The following ST3GAL1 variants were observed in gnomAD, a reference collection of about 807,000 sequenced individuals.
The protein encoded by ST3GAL1 is CMP-N-acetylneuraminate-beta-galactosamide-alpha-2,3-sialyltransferase 1.
A neutral mutation model predicts 34.1 loss-of-function variants in ST3GAL1; 16 were observed. The ratio of observed to expected loss-of-function variants is 0.47; its 90% CI spans 0.32 to 0.71. ST3GAL1 has a LOEUF of 0.71. ST3GAL1 is among the 30% of genes least tolerant of loss of function. ST3GAL1 has a pLI of 0.04. For synonymous variants in ST3GAL1, 191 were observed against 184.7 expected (o/e 1.03, Z -0.28); for missense variants, 353 against 447.4 (o/e 0.79, Z 1.90).
At chr8:133,501,323 C>G (rs1817146133) in intron 2 of ST3GAL1, among the ~76,000 whole-genome samples, 1 of 152,154 alleles carries the variant, frequency 6.6e-6, no homozygotes, top group Admixed American at 6.5e-5. Context: ...AGTAAGTTCT[C>G]CTATGCCCGT....
intron 2 of ST3GAL1, among the ~76,000 whole-genome samples, chr8:133,501,610 G>A (rs912457037): frequency 2.0e-5 from 3 of 152,110 alleles, no homozygotes; most frequent in Non-Finnish European, 2.9e-5. Flanking sequence ...TGAGCCAGGT[G>A]TGGTGGCAGG....
chr8:133,462,856 T>G (rs931163078), intron 8 of ST3GAL1, among the ~76,000 whole-genome samples: 8 of 152,202 alleles, frequency 5.3e-5, no homozygotes, highest in Non-Finnish European at 1.2e-4. Flanking sequence ...ATTCTAGCCT[T>G]ATCCAGAACT....
At position 133,537,636 on chromosome 8, in the gene ST3GAL1, C is replaced by T. The variant is rs148827981; in HGVS notation, c.-429+8138G>A. 7.0e-3 allele frequency among the ~76,000 whole-genome samples: 1,073 copies of T among 152,278 alleles called. 16 individuals are homozygous for T. Among genetic ancestry groups the T allele is most frequent in the African/African-American group, 0.024 (1,001 of 41,546 alleles). On this transcript the variant is annotated intron_variant, in intron 2 of 9. Transcript: ENST00000522652. ...CAGGAGGGGTGCCAGGCTTGCAGAA[C>T]GCCAGGCCCATTCTCTGGAACCCTC...
At position 133,541,492 on chromosome 8, in the gene ST3GAL1, T is replaced by A. The variant is rs556402289; in HGVS notation, c.-429+4282A>T. Reference sequence around the variant, plus strand: ...CCCCACAGAAACTCTCACTCCCACATGCAACTCATACACCACCACGTGCGT... The same window carrying A: ...CCCCACAGAAACTCTCACTCCCACAAGCAACTCATACACCACCACGTGCGT... On this transcript the variant is annotated intron_variant, in intron 2 of 9. Transcript: ENST00000522652. Among the ~76,000 whole-genome samples the A allele has an allele frequency of 4.5e-4, 69 of 152,164 alleles. 3 individuals carry two copies. In the South Asian group the frequency reaches 0.013, roughly 30 times the overall value.
At chr8:133,504,340 T>G (rs2131000159) in intron 2 of ST3GAL1, among the ~76,000 whole-genome samples, 1 of 152,352 alleles carries the variant, frequency 6.6e-6, no homozygotes, top group Non-Finnish European at 1.5e-5. Context: ...TTTTGCTGGC[T>G]TGGAAGGCAA....
At chr8:133,460,667 CACTGACTG>C (rs1815464072) in intron 9 of ST3GAL1, among the ~76,000 whole-genome samples, 1 of 152,200 alleles carries the variant, frequency 6.6e-6, no homozygotes, top group Non-Finnish European at 1.5e-5. Flanking sequence ...TTCTTGGAGT[CACTGACTG>C]AGTGGTCCTT....
intron 2 of ST3GAL1, among the ~76,000 whole-genome samples, chr8:133,501,394 G>A (rs1424010401): frequency 6.6e-6 from 1 of 152,194 alleles, no homozygotes. Context: ...AGCAGTAGCT[G>A]TGGGAGAGGG....
At chr8:133,488,057 T>A (rs1029614097) in intron 3 of ST3GAL1, 1 of 151,922 alleles carries the variant, frequency 6.6e-6, no homozygotes, top group Non-Finnish European at 1.5e-5. Context: ...CTGAGATTAT[T>A]AAGGAATCAC....
intron 2 of ST3GAL1, among the ~76,000 whole-genome samples, chr8:133,513,578 A>G (rs999078650): frequency 3.3e-5 from 5 of 152,160 alleles, no homozygotes; most frequent in African/African-American, 1.2e-4. Flanking sequence ...AAAGCCTAAA[A>G]TATTTATTAT....
intron 2 of ST3GAL1, among the ~76,000 whole-genome samples, chr8:133,541,128 G>GAGAGAGAT (rs1818514413): frequency 7.8e-6 from 1 of 128,626 alleles, no homozygotes; most frequent in Non-Finnish European, 1.6e-5. Flanking sequence ...TATAGAGAGA[G>GAGAGAGAT]AGAGAGAGAG....
chr8:133,537,218 G>T (rs4584128), intron 2 of ST3GAL1, among the ~76,000 whole-genome samples: 4 of 151,910 alleles, frequency 2.6e-5, no homozygotes, highest in East Asian at 1.9e-4. Flanking sequence ...AGAGATGCGT[G>T]GGGGGAGGTA....
intron 2 of ST3GAL1, among the ~76,000 whole-genome samples, chr8:133,506,587 C>T (rs1351128593): frequency 1.3e-5 from 2 of 151,092 alleles, no homozygotes; most frequent in East Asian, 3.9e-4. Flanking sequence ...GAGTTCGAGA[C>T]CAGCCTGGCC....
At chr8:133,499,248 G>A (rs1295219030) in intron 2 of ST3GAL1, 59 bp from the exon 3 acceptor site, 3 of 152,246 alleles carry the variant, frequency 2.0e-5, no homozygotes, top group East Asian at 3.9e-4. Context: ...GTGAGGATTG[G>A]TGAGACAGTT....
chr8:133,531,682 A>C (rs1208307786), intron 2 of ST3GAL1, among the ~76,000 whole-genome samples: 1 of 152,140 alleles, frequency 6.6e-6, no homozygotes, highest in African/African-American at 2.4e-5. Flanking sequence ...GAGGGAGAGC[A>C]TTAGGACAAA....
intron 2 of ST3GAL1, among the ~76,000 whole-genome samples, chr8:133,528,662 T>C (rs1013897396): frequency 6.6e-6 from 1 of 152,258 alleles, no homozygotes; most frequent in African/African-American, 2.4e-5. Context: ...GTTTTGTCTA[T>C]GGCTGCTTTG....
At chr8:133,563,580 C>T (rs1035839667) in intron 1 of ST3GAL1, among the ~76,000 whole-genome samples, 6 of 151,486 alleles carry the variant, frequency 4.0e-5, no homozygotes, top group African/African-American at 9.7e-5. Flanking sequence ...ATGTGGCAAC[C>T]GTGGCATGGC....
intron 2 of ST3GAL1, among the ~76,000 whole-genome samples, chr8:133,500,804 T>C (rs1338686340): frequency 6.6e-6 from 1 of 152,254 alleles, no homozygotes; most frequent in African/African-American, 2.4e-5. Context: ...ATCATCATCA[T>C]CACCTTCTAC....
rs183803244 is a variant in ST3GAL1, at chr8:133,525,187, C to T, written c.-429+20587G>A. On this transcript the variant is annotated intron_variant, in intron 2 of 9. Transcript: ENST00000522652. ...TTCAGGAGACCTGCAGTGGGTAGCT[C>T]GTTTCCACAGGCAGGTCGTCCCAGT... 3.6e-3 allele frequency among the ~76,000 whole-genome samples: 546 copies of T among 152,322 alleles called. 1 individual carries two copies. Among genetic ancestry groups the T allele is most frequent in the Middle Eastern group, 0.01 (3 of 294 alleles).
chr8:133,506,907 G>A (rs892051258), intron 2 of ST3GAL1, among the ~76,000 whole-genome samples: 5 of 151,422 alleles, frequency 3.3e-5, no homozygotes, highest in Admixed American at 2.0e-4. Context: ...GGCGAACACG[G>A]TGAAACCCTG....
Sources: allele counts gnomAD v4.1 joint callset (sites outside exome capture counted in the v4.1 genomes callset), GRCh38; gene constraint gnomAD v4.1.1; transcripts MANE v1.5; gene names NCBI Gene and HGNC (gene_info 2026-07-23, HGNC 2026-07-21).